Variants in NSL1 observed in about 807,000 individuals in gnomAD.
The protein encoded by NSL1 is NSL1 component of MIS12 kinetochore complex.
In NSL1, 11 loss-of-function variants were observed where a neutral mutation model predicts 25.4. That is an observed-to-expected ratio of 0.43 (90% CI 0.27 to 0.72). NSL1 has a LOEUF of 0.72. Ranked by LOEUF, NSL1 falls within the 30% of genes least tolerant of loss-of-function variation. The probability of loss-of-function intolerance (pLI) is 0.19; values close to 1 mark genes in which losing one functional copy is unlikely to be tolerated. For missense variants in NSL1, 330 were observed against 342.7 expected (o/e 0.96, Z 0.29); for synonymous variants, 118 against 120.6 (o/e 0.98, Z 0.14).
intron 3 of NSL1, among the ~76,000 whole-genome samples, chr1:212,783,632 G>T (rs1660816964): frequency 6.6e-6 from 1 of 152,160 alleles, no homozygotes; most frequent in African/African-American, 2.4e-5. Flanking sequence ...TACCTCACTG[G>T]AGGGACAATG....
At chr1:212,790,648 C>A (rs890905697) in intron 1 of NSL1, among the ~76,000 whole-genome samples, 1 of 152,044 alleles carries the variant, frequency 6.6e-6, no homozygotes, top group Non-Finnish European at 1.5e-5. Context: ...ATAGGCCGGG[C>A]GAGGTGGCTC....
chr1:212,765,992 T>C (rs1249469395), intron 4 of NSL1, among the ~76,000 whole-genome samples: 1 of 150,846 alleles, frequency 6.6e-6, no homozygotes, highest in Non-Finnish European at 1.5e-5. Flanking sequence ...AAAAATTAGC[T>C]GGGCGTGGTG....
At chr1:212,739,509 A>G (rs1252737642) in intron 5 of NSL1, 25 bp downstream of exon 5, 1 of 1,609,968 alleles carries the variant, frequency 6.2e-7, no homozygotes, top group Non-Finnish European at 8.5e-7. Flanking sequence ...TTCATTTGAT[A>G]ATTTTTTTAG....
rs113434922 is a variant in NSL1 at position 212,729,945 on chromosome 1, A to ATTTTT, written c.*8458_*8462dup. 2 of 834,666 alleles carry ATTTTT rather than the reference A, an allele frequency of 2.4e-6. No homozygotes were observed. Among genetic ancestry groups the ATTTTT allele is most frequent in the East Asian group, 2.5e-4 (2 of 8,062 alleles). 51.7% of individuals were successfully genotyped at this position (834,666 alleles called of 1,614,324 possible). On this transcript the variant is annotated 3_prime_UTR_variant, in exon 6 of 6. Coordinates refer to ENST00000366977, the MANE Select transcript of NSL1 (RefSeq NM_015471.4). ...GTGGAGGAACTAAACCTCCGGAAGG[A>ATTTTT]TTTTTTTTTTTAAGAATGAAATGGG...
chr1:212,761,260 A>C lies in NSL1; in HGVS notation c.499+21112T>G, dbSNP rs556084499. Among the ~76,000 whole-genome samples the C allele has an allele frequency of 2.0e-5, 3 of 152,334 alleles. No individual in the cohort carries two copies. The South Asian group carries it at 6.2e-4, about 32-fold the overall frequency. ...CAGCAAAAGATTCCAGTGAAAAAGAAATCTATAGGACAGGCATTGTGGCTC... is the reference window on the plus strand; with the variant it reads ...CAGCAAAAGATTCCAGTGAAAAAGACATCTATAGGACAGGCATTGTGGCTC... On this transcript the variant is annotated intron_variant, in intron 4 of 5. Transcript: ENST00000366977.
At position 212,737,827 on chromosome 1, in the gene NSL1, C is replaced by T. The variant is rs3087765; in HGVS notation, c.*581G>A. The T allele has an allele frequency of 8.1e-6, 8 of 985,226 alleles. No individual in the cohort carries two copies. The highest frequency in any genetic ancestry group is 5.2e-5 in the African/African-American group (3 of 57,304). 61.0% of individuals were successfully genotyped at this position (985,226 alleles called of 1,614,324 possible). The stretch of plus-strand genomic sequence containing the variant: ...TAATAGTTATCATTGTCTTACACAA[C>T]AAAAAATCCTAAAGTTAATCTCACA... On this transcript the variant is annotated 3_prime_UTR_variant, in exon 6 of 6. Coordinates refer to ENST00000366977, the MANE Select transcript of NSL1 (RefSeq NM_015471.4).
intron 3 of NSL1, among the ~76,000 whole-genome samples, chr1:212,783,816 G>A (rs1452213054): frequency 1.3e-5 from 2 of 152,122 alleles, no homozygotes; most frequent in African/African-American, 4.8e-5. Context: ...GGCTCTGCTT[G>A]TCTAAAAAGC....
intron 5 of NSL1, among the ~76,000 whole-genome samples, chr1:212,738,890 G>C (rs771674267): frequency 6.6e-6 from 1 of 152,028 alleles, no homozygotes; most frequent in African/African-American, 2.4e-5. Context: ...AGCCTCCCGA[G>C]TAGTTGGGAC....
At chr1:212,786,598 G>A (rs1336382800) in intron 2 of NSL1, among the ~76,000 whole-genome samples, 4 of 152,072 alleles carry the variant, frequency 2.6e-5, no homozygotes, top group Non-Finnish European at 5.9e-5. Context: ...ACCTGAGTTT[G>A]AGAGTTCGAG....
At position 212,735,491 on chromosome 1, in the gene NSL1, C is replaced by T. The variant is rs77006275; in HGVS notation, c.*2917G>A. On this transcript the variant is annotated 3_prime_UTR_variant, in exon 6 of 6. Coordinates refer to ENST00000366977, the MANE Select transcript of NSL1 (RefSeq NM_015471.4). Reference sequence around the variant, plus strand: ...TTGGTTTTATTCACTTTGTCCTCTACGGAGCCCAAGCCATAAAGGGCCAGG... The same window carrying T: ...TTGGTTTTATTCACTTTGTCCTCTATGGAGCCCAAGCCATAAAGGGCCAGG... 6.6e-4 allele frequency: 653 copies of T among 985,376 alleles called. 3 individuals carry two copies. The African/African-American group carries it at 1.0e-2, about 15-fold the overall frequency. The allele number at this position is 985,376 out of a possible 1,614,324, so 61.0% of individuals were successfully genotyped here. A position where few individuals can be genotyped will look rare whatever the true frequency, so the allele number is the denominator to read the frequency against.
chr1:212,758,231 T>C (rs11120013), intron 4 of NSL1, among the ~76,000 whole-genome samples: 46,926 of 151,996 alleles, frequency 0.31, 8,593 homozygotes, highest in Non-Finnish European at 0.4. Context: ...CTTCAGAGCA[T>C]TAAGAATATA....
rs981595137 is a variant in NSL1, at chr1:212,729,041, A to C, written c.*9367T>G. 5.1e-6 allele frequency: 5 copies of C among 985,332 alleles called. No homozygotes were observed. In the African/African-American group the frequency reaches 8.7e-5, roughly 17 times the overall value. 61.0% of individuals were successfully genotyped at this position (985,332 alleles called of 1,614,324 possible). ...TCAATCTGAAATTTTTTTTAAAGGA[A>C]GAATACTTGGGTTGGGCTTACAAGA... On this transcript the variant is annotated 3_prime_UTR_variant, in exon 6 of 6. Coordinates refer to ENST00000366977, the MANE Select transcript of NSL1 (RefSeq NM_015471.4).
rs1034433420 is a variant in NSL1 at position 212,760,695 on chromosome 1, C to T, written c.500-21094G>A. On this transcript the variant is annotated intron_variant, in intron 4 of 5. Transcript: ENST00000366977. The surrounding 1 kb of genome is among the most constrained non-coding windows in gnomAD (Gnocchi z 4.3). ...ACTGCTACTGCCATCACCAACACCACGCATACTGCCCAGGGACTCATGAAA... is the reference window on the plus strand; with the variant it reads ...ACTGCTACTGCCATCACCAACACCATGCATACTGCCCAGGGACTCATGAAA... 6.6e-6 allele frequency among the ~76,000 whole-genome samples: 1 copy of T among 152,122 alleles called. No individual in the cohort carries two copies. The highest frequency in any genetic ancestry group is 2.1e-4 in the South Asian group (1 of 4,824).
chr1:212,777,524 T>C (rs1660430662), intron 4 of NSL1, among the ~76,000 whole-genome samples: 1 of 152,214 alleles, frequency 6.6e-6, no homozygotes, highest in South Asian at 2.1e-4. Flanking sequence ...TACACAACGT[T>C]GATGGAGAAA....
intron 1 of NSL1, 101 bp from the exon 2 acceptor site, chr1:212,787,738 T>TAAAG (rs3832022): frequency 0.18 from 120,447 of 680,362 alleles, 12,661 homozygotes; most frequent in African/African-American, 0.37. Flanking sequence ...ACAGAGGAAA[T>TAAAG]AAAAGTAGCA....
intron 4 of NSL1, among the ~76,000 whole-genome samples, chr1:212,781,071 T>G (rs139026513): frequency 1.5e-3 from 224 of 152,332 alleles, no homozygotes; most frequent in Non-Finnish European, 2.2e-3. Flanking sequence ...ACTGATGCTA[T>G]TCTAAGCTTG....
chr1:212,778,272 G>A (rs1660471458), intron 4 of NSL1, among the ~76,000 whole-genome samples: 1 of 152,218 alleles, frequency 6.6e-6, no homozygotes, highest in Non-Finnish European at 1.5e-5. Flanking sequence ...TCTTTATGGG[G>A]AGAATCTGTC....
At position 212,739,618 on chromosome 1, in the gene NSL1, A is replaced by C; in HGVS notation, c.500-17T>G. ...TATGAGGGGCTGCAAAAACATTGCC[A>C]AACAGTATTTTAGGTTTTTATCTAA... is the stretch of plus-strand genomic sequence containing the variant. On this transcript the variant is annotated splice_polypyrimidine_tract_variant and intron_variant, in intron 4 of 5. Coordinates refer to ENST00000366977, the MANE Select transcript of NSL1 (RefSeq NM_015471.4). 1 of 1,612,010 alleles carries C rather than the reference A, an allele frequency of 6.2e-7. No homozygotes were observed. The highest frequency in any genetic ancestry group is 8.5e-7 in the Non-Finnish European group (1 of 1,178,754).
intron 4 of NSL1, among the ~76,000 whole-genome samples, chr1:212,780,629 A>C (rs1394120113): frequency 6.6e-6 from 1 of 152,160 alleles, no homozygotes; most frequent in Non-Finnish European, 1.5e-5. Flanking sequence ...CTGCTGATTC[A>C]GACTTTTAAG....
Sources: allele counts gnomAD v4.1 joint callset (sites outside exome capture counted in the v4.1 genomes callset), GRCh38; gene constraint gnomAD v4.1.1; non-coding constraint Gnocchi (gnomAD v3.1); transcripts MANE v1.5; gene names NCBI Gene and HGNC (gene_info 2026-07-23, HGNC 2026-07-21).